ATXN7L1: variants seen among roughly 807,000 people sequenced by gnomAD.
ATXN7L1 encodes ataxin 7 like 1.
ATXN7L1 carries 15 observed loss-of-function variants against 70.8 expected under a neutral mutation model. That is an observed-to-expected ratio of 0.21 (90% CI 0.14 to 0.33). ATXN7L1 has a LOEUF of 0.33. Ranked by LOEUF, ATXN7L1 falls within the 10% of genes least tolerant of loss-of-function variation. ATXN7L1 has a pLI of 1.00. For missense variants in ATXN7L1, 975 were observed against 1,097.1 expected (o/e 0.89, Z 1.57); for synonymous variants, 440 against 445.1 (o/e 0.99, Z 0.14).
chr7:105,809,250 A>C (rs1025303369), intron 2 of ATXN7L1, among the ~76,000 whole-genome samples: 2 of 152,220 alleles, frequency 1.3e-5, no homozygotes, highest in Non-Finnish European at 2.9e-5. Context: ...CTTTTTAAAA[A>C]ACAAGTTGTG....
At chr7:105,754,461 G>A (rs1021570797) in intron 3 of ATXN7L1, among the ~76,000 whole-genome samples, 5 of 151,336 alleles carry the variant, frequency 3.3e-5, no homozygotes, top group African/African-American at 9.7e-5. Context: ...AAAGTGGTGC[G>A]ATCATAGCTC....
chr7:105,634,020 A>G (rs1427015396), intron 7 of ATXN7L1, among the ~76,000 whole-genome samples: 1 of 152,118 alleles, frequency 6.6e-6, no homozygotes, highest in Non-Finnish European at 1.5e-5. Flanking sequence ...TGGAGGTGAT[A>G]TAGTGGTGGA....
At position 105,876,597 on chromosome 7, in the gene ATXN7L1, AG is replaced by A; in HGVS notation, c.-40del. On this transcript the variant is annotated 5_prime_UTR_variant, in exon 1 of 12. Transcript: ENST00000419735. ...CGACATTGAGTGTTCTGAAAGGGGG[AG>A]GGAGGGAGGAAGGGCGGGATGGGAG... 1 of 194,696 alleles carries A rather than the reference AG, an allele frequency of 5.1e-6. No individual in the cohort carries two copies. The highest frequency in any genetic ancestry group is 1.0e-5 in the Non-Finnish European group (1 of 98,866). The allele number at this position is 194,696 out of a possible 1,614,324, so 12.1% of individuals were successfully genotyped here.
chr7:105,870,735 G>T (rs1818135336), intron 2 of ATXN7L1, among the ~76,000 whole-genome samples: 1 of 152,176 alleles, frequency 6.6e-6, no homozygotes, highest in African/African-American at 2.4e-5. Context: ...TATTTGAAAA[G>T]GTTAGCACAG....
chr7:105,765,373 G>C (rs940129215), intron 3 of ATXN7L1, among the ~76,000 whole-genome samples: 3 of 151,776 alleles, frequency 2.0e-5, no homozygotes, highest in Admixed American at 1.3e-4. Flanking sequence ...TGTGTGCTGG[G>C]CTTGGGATAT....
chr7:105,692,158 C>T (rs1300372918), intron 3 of ATXN7L1, among the ~76,000 whole-genome samples: 1 of 151,514 alleles, frequency 6.6e-6, no homozygotes, highest in Non-Finnish European at 1.5e-5. Context: ...TCAGAGAGAA[C>T]TGGTTGGGGG....
intron 3 of ATXN7L1, among the ~76,000 whole-genome samples, chr7:105,669,346 G>C (rs1803165218): frequency 6.6e-6 from 1 of 152,174 alleles, no homozygotes; most frequent in East Asian, 1.9e-4. Flanking sequence ...TTACAGGTGT[G>C]AGCCACCATG....
intron 3 of ATXN7L1, among the ~76,000 whole-genome samples, chr7:105,742,264 T>G (rs1798093935): frequency 6.6e-6 from 1 of 152,210 alleles, no homozygotes; most frequent in Non-Finnish European, 1.5e-5. Context: ...AAATAAAGCT[T>G]GTGATCTAAT....
chr7:105,748,388 C>T (rs972700719), intron 3 of ATXN7L1, among the ~76,000 whole-genome samples: 2 of 152,136 alleles, frequency 1.3e-5, no homozygotes, highest in Non-Finnish European at 2.9e-5. Context: ...TCAGTAGGTC[C>T]CGAGTTGCTC....
chr7:105,614,360 G>A lies in ATXN7L1; in HGVS notation c.1974C>T (p.Ser658=), dbSNP rs769330690. Residue 658 remains serine (S), a synonymous_variant, in exon 10 of 12, where the codon TCC becomes TCT. Transcript: ENST00000419735. This position sits in a 1 kb window ranked among gnomAD's most constrained non-coding sequence, Gnocchi z 4.3. ...AGAGGGATGTCTGCAAGGAAGAGGAGGAGGAGGAGGAGGAGGAGGAAGTCG... is the reference window on the plus strand; with the variant it reads ...AGAGGGATGTCTGCAAGGAAGAGGAAGAGGAGGAGGAGGAGGAGGAAGTCG... The part of the protein sequence containing the change: ...QSSTSSSSSS[S]SSSLQTSLSS... 157 of 1,541,242 alleles carry A rather than the reference G, an allele frequency of 1.0e-4. No homozygotes were observed. In the Middle Eastern group the frequency reaches 2.7e-3, roughly 26 times the overall value.
intron 3 of ATXN7L1, chr7:105,677,958 C>T (rs1433208646): frequency 4.8e-5 from 47 of 985,306 alleles, no homozygotes; most frequent in Non-Finnish European, 5.7e-5. Flanking sequence ...CACAGACTGT[C>T]GTGGTCCCAC....
intron 2 of ATXN7L1, among the ~76,000 whole-genome samples, chr7:105,873,673 G>A (rs1390734271): frequency 2.6e-5 from 4 of 152,226 alleles, no homozygotes; most frequent in African/African-American, 9.6e-5. Context: ...TTTTGGTGAA[G>A]TTAGCAATTT....
chr7:105,716,690 C>CAT (rs1794595650), intron 3 of ATXN7L1, among the ~76,000 whole-genome samples: 1 of 82,834 alleles, frequency 1.2e-5, no homozygotes, highest in Non-Finnish European at 2.1e-5. Flanking sequence ...CACACACACA[C>CAT]ACACACACAC....
intron 3 of ATXN7L1, among the ~76,000 whole-genome samples, chr7:105,699,811 C>G (rs1792210434): frequency 6.6e-6 from 1 of 152,198 alleles, no homozygotes; most frequent in Non-Finnish European, 1.5e-5. Flanking sequence ...GGACTTTCAG[C>G]TTCCCCGCTT....
intron 3 of ATXN7L1, among the ~76,000 whole-genome samples, chr7:105,669,058 G>C (rs1420609806): frequency 6.6e-6 from 1 of 152,078 alleles, no homozygotes; most frequent in African/African-American, 2.4e-5. Context: ...CAAAACAACT[G>C]TATCAGTGGA....
chr7:105,714,618 C>G (rs1324735244), intron 3 of ATXN7L1, among the ~76,000 whole-genome samples: 1 of 152,144 alleles, frequency 6.6e-6, no homozygotes, highest in African/African-American at 2.4e-5. Context: ...TCTCATATAC[C>G]TCTGGGCAGA....
chr7:105,671,692 T>C (rs571099330), intron 3 of ATXN7L1, among the ~76,000 whole-genome samples: 1 of 150,936 alleles, frequency 6.6e-6, no homozygotes, highest in Admixed American at 6.6e-5. Context: ...AGCTCAGGAG[T>C]TCAAAACTAG....
chr7:105,821,910 C>T (rs896749963), intron 2 of ATXN7L1, among the ~76,000 whole-genome samples: 10 of 152,328 alleles, frequency 6.6e-5, no homozygotes, highest in South Asian at 2.1e-4. Context: ...CTTTGGTTGA[C>T]GCCAGAAATG....
At chr7:105,851,387 T>C (rs1203363211) in intron 2 of ATXN7L1, among the ~76,000 whole-genome samples, 1 of 152,164 alleles carries the variant, frequency 6.6e-6, no homozygotes, top group Non-Finnish European at 1.5e-5. Context: ...GAGATGGGAC[T>C]GAAAGGTGGC....
Sources: gnomAD v4.1 joint callset for allele counts (sites outside exome capture counted in the v4.1 genomes callset) on GRCh38, gnomAD v4.1.1 for gene constraint, Gnocchi (gnomAD v3.1) non-coding constraint, MANE v1.5 for transcripts, NCBI Gene and HGNC (gene_info 2026-07-23, HGNC 2026-07-21) for gene names.